Variants in GRID2 observed in about 807,000 individuals in gnomAD.
GRID2 encodes glutamate receptor ionotropic, delta-2.
A neutral mutation model predicts 114.8 loss-of-function variants in GRID2; 33 were observed. The observed-to-expected ratio is 0.29, with a 90% CI of 0.22 to 0.38. The LOEUF (loss-of-function observed/expected upper bound fraction) is 0.38, where lower values mean the gene tolerates loss of function less well. Ranked by LOEUF, GRID2 falls within the 10% of genes least tolerant of loss-of-function variation. GRID2 has a pLI of 1.00. For synonymous variants in GRID2, 505 were observed against 449.9 expected (o/e 1.12, Z -1.55); for missense variants, 1,184 against 1,257.7 (o/e 0.94, Z 0.89).
At chr4:92,559,360 G>A (rs986805595) in intron 1 of GRID2, among the ~76,000 whole-genome samples, 2 of 152,004 alleles carry the variant, frequency 1.3e-5, no homozygotes, top group East Asian at 1.9e-4. Context: ...TGAAATGCTC[G>A]GGACAAGAAG....
At chr4:92,862,250 T>A (rs1257618575) in intron 2 of GRID2, among the ~76,000 whole-genome samples, 1 of 152,032 alleles carries the variant, frequency 6.6e-6, no homozygotes, top group Non-Finnish European at 1.5e-5. Flanking sequence ...ATTTACCTCA[T>A]ATTTTGCTAC....
At chr4:93,415,215 G>T (rs978082769) in intron 9 of GRID2, among the ~76,000 whole-genome samples, 2 of 152,016 alleles carry the variant, frequency 1.3e-5, no homozygotes, top group African/African-American at 4.8e-5. Context: ...ACTCCTTACA[G>T]CTGCAATATG....
chr4:92,398,767 G>C (rs1286579170), intron 1 of GRID2, among the ~76,000 whole-genome samples: 1 of 149,822 alleles, frequency 6.7e-6, no homozygotes, highest in East Asian at 1.9e-4. Context: ...GACTAGAAAT[G>C]CATGATTGTA....
At chr4:93,290,543 T>C (rs1326266044) in intron 8 of GRID2, among the ~76,000 whole-genome samples, 1 of 152,180 alleles carries the variant, frequency 6.6e-6, no homozygotes, top group Non-Finnish European at 1.5e-5. Context: ...TTCTTATATT[T>C]CTTTAACACT....
intron 1 of GRID2, among the ~76,000 whole-genome samples, chr4:92,344,845 G>C (rs929380529): frequency 2.0e-5 from 3 of 152,224 alleles, no homozygotes; most frequent in African/African-American, 7.2e-5. Flanking sequence ...AGTCACTAAG[G>C]CTGGCCTTTT....
intron 1 of GRID2, among the ~76,000 whole-genome samples, chr4:92,392,978 T>G (rs1579289006): frequency 1.3e-5 from 2 of 152,268 alleles, no homozygotes; most frequent in South Asian, 4.1e-4. Context: ...GAGGTTTAAT[T>G]GGCTATCAGT....
chr4:93,708,337 C>T (rs1728185770), intron 14 of GRID2, among the ~76,000 whole-genome samples: 1 of 151,966 alleles, frequency 6.6e-6, no homozygotes, highest in South Asian at 2.1e-4. Context: ...TTATGTCTCT[C>T]TTTAGCTCTA....
chr4:92,722,308 T>C (rs905970578), intron 2 of GRID2, among the ~76,000 whole-genome samples: 3 of 152,094 alleles, frequency 2.0e-5, no homozygotes, highest in African/African-American at 4.8e-5. Flanking sequence ...GAAAAGCTCA[T>C]ACTGGAACGT....
At chr4:93,657,638 G>C (rs1201221286) in intron 14 of GRID2, among the ~76,000 whole-genome samples, 1 of 146,344 alleles carries the variant, frequency 6.8e-6, no homozygotes, top group African/African-American at 2.5e-5. Context: ...GATGTAGGAG[G>C]AAAAAAAAAA....
intron 1 of GRID2, among the ~76,000 whole-genome samples, chr4:92,399,163 CTG>C (rs1251662995): frequency 2.6e-5 from 4 of 152,174 alleles, no homozygotes; most frequent in African/African-American, 7.2e-5. Flanking sequence ...ATTGAGAACT[CTG>C]TGAATGAGCT....
chr4:93,201,378 T>C (rs910277285), intron 4 of GRID2, among the ~76,000 whole-genome samples: 2 of 152,178 alleles, frequency 1.3e-5, no homozygotes, highest in Non-Finnish European at 2.9e-5. Flanking sequence ...TTGCTATAGA[T>C]GAGAAGCCAG....
intron 13 of GRID2, among the ~76,000 whole-genome samples, chr4:93,614,317 C>T (rs867681849): frequency 1.4e-4 from 22 of 151,962 alleles, no homozygotes; most frequent in African/African-American, 4.6e-4. Flanking sequence ...TGTTCCTATT[C>T]GGCCATCTTG....
intron 8 of GRID2, among the ~76,000 whole-genome samples, chr4:93,296,290 G>A (rs898549453): frequency 8.6e-5 from 13 of 152,022 alleles, no homozygotes; most frequent in African/African-American, 2.7e-4. Context: ...TTGGATTTAC[G>A]GATCCCCCCC....
At chr4:92,861,021 A>G (rs540868131) in intron 2 of GRID2, among the ~76,000 whole-genome samples, 2 of 152,198 alleles carry the variant, frequency 1.3e-5, no homozygotes, top group African/African-American at 4.8e-5. Context: ...AGTACCAAGC[A>G]TTTTAAGTCT....
At chr4:93,451,591 A>C (rs1404339542) in intron 10 of GRID2, among the ~76,000 whole-genome samples, 2 of 152,078 alleles carry the variant, frequency 1.3e-5, no homozygotes, top group Non-Finnish European at 2.9e-5. Flanking sequence ...AAATTTTTAA[A>C]GTGTGGCAGG....
At chr4:93,300,286 G>A (rs1417307671) in intron 8 of GRID2, among the ~76,000 whole-genome samples, 2 of 151,896 alleles carry the variant, frequency 1.3e-5, no homozygotes, top group Admixed American at 1.3e-4. Context: ...AAATCTTTTT[G>A]ATCCATAGTT....
intron 1 of GRID2, among the ~76,000 whole-genome samples, chr4:92,441,481 C>G (rs1277352149): frequency 6.6e-6 from 1 of 151,898 alleles, no homozygotes; most frequent in Non-Finnish European, 1.5e-5. Context: ...ATAGTAGAGG[C>G]AGGTATTGAG....
intron 2 of GRID2, among the ~76,000 whole-genome samples, chr4:92,901,257 G>A (rs1747562281): frequency 6.6e-6 from 1 of 152,090 alleles, no homozygotes; most frequent in African/African-American, 2.4e-5. Flanking sequence ...TAACTTTTTA[G>A]TAATAGCCAT....
intron 3 of GRID2, among the ~76,000 whole-genome samples, chr4:93,110,527 G>T (rs1187420047): frequency 1.3e-5 from 2 of 152,180 alleles, no homozygotes; most frequent in East Asian, 1.9e-4. Context: ...TAGATAGAAA[G>T]AAATCCATTT....
Sources: gnomAD v4.1 joint callset for allele counts (sites outside exome capture counted in the v4.1 genomes callset) on GRCh38, gnomAD v4.1.1 for gene constraint, MANE v1.5 for transcripts, NCBI Gene and HGNC (gene_info 2026-07-23, HGNC 2026-07-21) for gene names.